SEZ6L: variants seen among roughly 807,000 people sequenced by gnomAD.
SEZ6L encodes seizure related 6 homolog like.
A neutral mutation model predicts 106.2 loss-of-function variants in SEZ6L; 37 were observed. That is an observed-to-expected ratio of 0.35 (90% CI 0.27 to 0.46). SEZ6L has a LOEUF of 0.46. Ranked by LOEUF, SEZ6L falls within the 20% of genes least tolerant of loss-of-function variation. The probability of loss-of-function intolerance (pLI) is 1.00; values close to 1 mark genes in which losing one functional copy is unlikely to be tolerated. For missense variants in SEZ6L, 1,172 were observed against 1,332.8 expected, an observed-to-expected ratio of 0.88 and a Z score of 1.88; for synonymous variants, 541 against 570.4, an observed-to-expected ratio of 0.95 and a Z score of 0.73.
intron 1 of SEZ6L, among the ~76,000 whole-genome samples, chr22:26,237,927 G>A (rs769499092): frequency 1.6e-4 from 24 of 152,078 alleles, no homozygotes; most frequent in Non-Finnish European, 2.4e-4. Flanking sequence ...CTGAGTTCCC[G>A]TTTGTCCCCA....
chr22:26,346,629 T>G (rs1463275334), intron 10 of SEZ6L, among the ~76,000 whole-genome samples: 2 of 152,178 alleles, frequency 1.3e-5, no homozygotes, highest in African/African-American at 4.8e-5. Flanking sequence ...ACCTGAAGGC[T>G]TGATAAGCAC....
chr22:26,234,556 C>G (rs896330139), intron 1 of SEZ6L, among the ~76,000 whole-genome samples: 14 of 152,216 alleles, frequency 9.2e-5, no homozygotes, highest in Admixed American at 2.0e-4. Context: ...AAAGTACTGA[C>G]AGCCCAGAAC....
rs954381109 is a variant in SEZ6L at position 26,173,778 on chromosome 22, C to T, written c.94+4015C>T. Among the ~76,000 whole-genome samples, 8 of 152,340 alleles carry T rather than the reference C, an allele frequency of 5.3e-5. No homozygotes were observed. In the East Asian group the frequency reaches 1.5e-3, roughly 29 times the overall value. ...TGGTGAGTGTCTGTCATCTCTCTTTCTGCTTTGCAGACAGCCACTTTCTAG... is the reference window on the plus strand; with the variant it reads ...TGGTGAGTGTCTGTCATCTCTCTTTTTGCTTTGCAGACAGCCACTTTCTAG... On this transcript the variant is annotated intron_variant, in intron 1 of 16. Coordinates refer to ENST00000248933, the MANE Select transcript of SEZ6L (RefSeq NM_021115.5).
At chr22:26,365,197 C>T (rs189823252) in intron 12 of SEZ6L, among the ~76,000 whole-genome samples, 175 bp from the exon 13 acceptor site, 2 of 152,236 alleles carry the variant, frequency 1.3e-5, no homozygotes, top group African/African-American at 4.8e-5. Context: ...AATCTGTGCC[C>T]AGAGGTGGAA....
intron 14 of SEZ6L, among the ~76,000 whole-genome samples, chr22:26,375,053 A>G (rs1384685837): frequency 6.6e-6 from 1 of 152,128 alleles, no homozygotes; most frequent in African/African-American, 2.4e-5. Context: ...CAAGCTCACC[A>G]GTCCACAGGT....
At chr22:26,213,640 G>A (rs2078222023) in intron 1 of SEZ6L, among the ~76,000 whole-genome samples, 1 of 152,160 alleles carries the variant, frequency 6.6e-6, no homozygotes, top group East Asian at 1.9e-4. Context: ...CTAACACCCA[G>A]CACACAGCTG....
At position 26,221,728 on chromosome 22, in the gene SEZ6L, G is replaced by A. The variant is rs139217542; in HGVS notation, c.94+51965G>A. Among the ~76,000 whole-genome samples the A allele has an allele frequency of 4.0e-3, 566 of 139,842 alleles. 5 individuals are homozygous for A. Among genetic ancestry groups the A allele is most frequent in the African/African-American group, 0.015 (544 of 36,774 alleles). 91.7% of individuals were successfully genotyped at this position (139,842 alleles called of 152,430 possible). A position where few individuals can be genotyped will look rare whatever the true frequency, so the allele number is the denominator to read the frequency against. On this transcript the variant is annotated intron_variant, in intron 1 of 16. Transcript: ENST00000248933. ...TGTGTGTGCACCTGAATTCATGCGC[G>A]TGCACACGCGTGCACACACACACAC...
chr22:26,326,170 G>A (rs983390435), intron 9 of SEZ6L, among the ~76,000 whole-genome samples: 7 of 152,102 alleles, frequency 4.6e-5, no homozygotes, highest in Admixed American at 2.6e-4. Flanking sequence ...CGCTCTTCTC[G>A]CCTTGGTGAC....
chr22:26,301,734 G>A (rs552776409), intron 5 of SEZ6L, among the ~76,000 whole-genome samples: 2 of 152,210 alleles, frequency 1.3e-5, no homozygotes, highest in East Asian at 3.9e-4. Context: ...TGGAAAATGG[G>A]GGGGAGAAGG....
chr22:26,290,457 G>A lies in SEZ6L; in HGVS notation c.95-1949G>A, dbSNP rs1378537386. 3.9e-5 allele frequency among the ~76,000 whole-genome samples: 6 copies of A among 152,300 alleles called. No homozygotes were observed. In the South Asian group the frequency reaches 6.2e-4, roughly 16 times the overall value. ...TGAGGCAGGAGAATGGCGTGAACCC[G>A]GGAGGCGGAGCTTGCAGTGAGCCGA... On this transcript the variant is annotated intron_variant, in intron 1 of 16. Coordinates refer to ENST00000248933, the MANE Select transcript of SEZ6L (RefSeq NM_021115.5).
At chr22:26,283,609 G>T (rs1445718239) in intron 1 of SEZ6L, among the ~76,000 whole-genome samples, 1 of 152,150 alleles carries the variant, frequency 6.6e-6, no homozygotes, top group East Asian at 1.9e-4. Flanking sequence ...AATTCCTATG[G>T]TATGACAGCA....
intron 1 of SEZ6L, among the ~76,000 whole-genome samples, chr22:26,291,570 A>G (rs2081109567): frequency 6.6e-6 from 1 of 152,178 alleles, no homozygotes. Flanking sequence ...AAACCTGCAC[A>G]TCCTGCACAT....
intron 1 of SEZ6L, among the ~76,000 whole-genome samples, chr22:26,233,828 G>T (rs1263424805): frequency 6.6e-6 from 1 of 152,190 alleles, no homozygotes; most frequent in Non-Finnish European, 1.5e-5. Flanking sequence ...TCCCTAGAAA[G>T]GTAGTCCCCC....
At chr22:26,364,096 C>T (rs1481825189) in intron 12 of SEZ6L, among the ~76,000 whole-genome samples, 1 of 152,140 alleles carries the variant, frequency 6.6e-6, no homozygotes, top group East Asian at 1.9e-4. Flanking sequence ...AGTACACTAA[C>T]CTACTGGACT....
In SEZ6L at chr22:26,347,803, G is replaced by A. The variant is rs137881901; in HGVS notation, c.2297G>A (p.Gly766Glu). 2.5e-6 allele frequency: 4 copies of A among 1,608,818 alleles called. No homozygotes were observed. Among genetic ancestry groups the A allele is most frequent in the African/African-American group, 2.7e-5 (2 of 74,594 alleles). The change falls in exon 11 of 17, where the codon GGA (glycine) becomes GAA (glutamate). Residue 766 changes from glycine (G) to glutamate (E), a missense_variant. By Grantham distance (98) the Gly-to-Glu change is moderately conservative. Transcript: ENST00000248933. Reference sequence around the variant, plus strand: ...ACTTCTCACACGGAGTTGGTGCGGGGAGCCAGAATCACCTACCAGTGTGAC... The same window carrying A: ...ACTTCTCACACGGAGTTGGTGCGGGAAGCCAGAATCACCTACCAGTGTGAC... ...KTTSHTELVRGARITYQCDPG... is the reference protein window; with the variant it reads ...KTTSHTELVREARITYQCDPG...
At chr22:26,203,552 G>C (rs1941110798) in intron 1 of SEZ6L, among the ~76,000 whole-genome samples, 1 of 152,170 alleles carries the variant, frequency 6.6e-6, no homozygotes, top group South Asian at 2.1e-4. Context: ...TTTCCTCTCT[G>C]AGCCTAGTCT....
intron 16 of SEZ6L, 99 bp from the exon 17 acceptor site, chr22:26,380,144 GAGGGCACTGAAAAGTCACGACCA>G: frequency 6.2e-6 from 5 of 811,142 alleles, no homozygotes; most frequent in Non-Finnish European, 8.3e-6. Context: ...GTCAGAGTGG[GAGGGCACTGAAAAGTCACGACCA>G]AGGGCATGGA....
chr22:26,373,770 C>G (rs5997082), intron 14 of SEZ6L, among the ~76,000 whole-genome samples: 1 of 152,068 alleles, frequency 6.6e-6, no homozygotes. Context: ...AAGGCATAAC[C>G]CTATTGTAAA....
At chr22:26,373,302 T>C (rs1191238744) in intron 13 of SEZ6L, 149 bp from the exon 14 acceptor site, 10 of 647,434 alleles carry the variant, frequency 1.5e-5, no homozygotes, top group Non-Finnish European at 2.4e-5. Context: ...GCACGTTCAC[T>C]GATTATAGTG....
Sources: allele counts gnomAD v4.1 joint callset (sites outside exome capture counted in the v4.1 genomes callset), GRCh38; gene constraint gnomAD v4.1.1; transcripts MANE v1.5; gene names NCBI Gene and HGNC (gene_info 2026-07-23, HGNC 2026-07-21).